KCNT1: variants seen among roughly 807,000 people sequenced by gnomAD.
KCNT1 encodes potassium channel subfamily T member 1.
In KCNT1, 78 loss-of-function variants were observed where a neutral mutation model predicts 147.8. The ratio of observed to expected loss-of-function variants is 0.53; its 90% CI spans 0.44 to 0.64. KCNT1 has a LOEUF of 0.64. KCNT1 is among the 30% of genes least tolerant of loss of function. The pLI is 0.00. For synonymous variants in KCNT1, 867 were observed against 748.8 expected (o/e 1.16, Z -2.58); for missense variants, 1,419 against 1,750.3 (o/e 0.81, Z 3.38).
At chr9:135,779,892 TCTC>T (rs1833483844) in intron 24 of KCNT1, among the ~76,000 whole-genome samples, 1 of 152,224 alleles carries the variant, frequency 6.6e-6, no homozygotes, top group Non-Finnish European at 1.5e-5. Flanking sequence ...ATTCCAGACT[TCTC>T]CGCTGCCCTG....
chr9:135,759,715 G>A lies in KCNT1; in HGVS notation c.891G>A (p.Glu297=), dbSNP rs2131450976. The stretch of plus-strand genomic sequence containing the variant: ...TCCAGCACCTGGAGCGGGCGGGCGA[G>A]AACCTGTCCCTCCTGACCTCCTTCT... ...CGIQHLERAG[E]NLSLLTSFYF... The change falls in exon 11 of 31, where the codon GAG becomes GAA. Residue 297 remains glutamate (E), a synonymous_variant. Transcript: ENST00000371757. 1 of 1,612,970 alleles carries A rather than the reference G, an allele frequency of 6.2e-7. No homozygotes were observed. The highest frequency in any genetic ancestry group is 8.5e-7 in the Non-Finnish European group (1 of 1,179,540).
chr9:135,771,177 T>TGGGATGGGAGACCAGGC (rs1832734422), intron 18 of KCNT1, 82 bp downstream of exon 18: 11 of 1,311,654 alleles, frequency 8.4e-6, no homozygotes, highest in African/African-American at 1.5e-5. Context: ...GGTGACCAGG[T>TGGGATGGGAGACCAGGC]GGGATGGGAG....
chr9:135,753,846 T>A (rs1002332241), intron 4 of KCNT1, 91 bp from the exon 5 acceptor site: 1 of 1,401,650 alleles, frequency 7.1e-7, no homozygotes, highest in Non-Finnish European at 1.0e-6. Context: ...GAGGCCCCCA[T>A]GAACCCGAGC....
intron 10 of KCNT1, among the ~76,000 whole-genome samples, chr9:135,759,322 G>A (rs139179829): frequency 5.1e-4 from 77 of 152,274 alleles, no homozygotes; most frequent in African/African-American, 1.4e-3. Context: ...CCAAGCCCAC[G>A]CTGATGACAC....
chr9:135,751,169 T>C, intron 4 of KCNT1, 128 bp downstream of exon 4: 1 of 817,828 alleles, frequency 1.2e-6, no homozygotes, highest in South Asian at 1.5e-5. Context: ...GAGTCCTTCC[T>C]TCCCCAGTGC....
intron 24 of KCNT1, among the ~76,000 whole-genome samples, chr9:135,782,718 G>T (rs998362484): frequency 6.6e-6 from 1 of 152,166 alleles, no homozygotes; most frequent in African/African-American, 2.4e-5. Flanking sequence ...GTTTAGCGTT[G>T]TTCTGAGTAA....
intron 2 of KCNT1, among the ~76,000 whole-genome samples, chr9:135,747,003 G>A (rs145884687): frequency 0.015 from 2,257 of 152,104 alleles, 31 homozygotes; most frequent in Middle Eastern, 0.037. Context: ...AGGGGGAGCC[G>A]GTGGATGCCA....
At chr9:135,784,484 T>TCCCAGCCCCCCCCC in intron 25 of KCNT1, 51 bp from the exon 26 acceptor site, 1 of 57,652 alleles carries the variant, frequency 1.7e-5, no homozygotes. Context: ...TCACTGTGGC[T>TCCCAGCCCCCCCCC]CCCTCCCTCC....
intron 29 of KCNT1, among the ~76,000 whole-genome samples, chr9:135,787,940 G>A (rs1218825764): frequency 6.6e-6 from 1 of 152,214 alleles, no homozygotes; most frequent in Non-Finnish European, 1.5e-5. Flanking sequence ...GCTTGGCAAG[G>A]AAGGAGCAAC....
intron 1 of KCNT1, among the ~76,000 whole-genome samples, chr9:135,713,117 C>T (rs754063438): frequency 2.0e-5 from 3 of 152,160 alleles, no homozygotes; most frequent in Admixed American, 6.5e-5. Context: ...GAGGCAGCCA[C>T]GCCTGAGGAG....
chr9:135,725,994 G>A (rs1307115897), intron 2 of KCNT1, among the ~76,000 whole-genome samples: 1 of 152,134 alleles, frequency 6.6e-6, no homozygotes, highest in African/African-American at 2.4e-5. Context: ...CCACCCAGGA[G>A]CCATGGCTGT....
At chr9:135,791,443 G>A (rs750697298) in intron 29 of KCNT1, 12 of 286,942 alleles carry the variant, frequency 4.2e-5, no homozygotes, top group Non-Finnish European at 7.4e-5. Flanking sequence ...GACACGTCCC[G>A]GTGTCTGCAG....
At chr9:135,706,074 C>G (rs1419890103) in intron 1 of KCNT1, among the ~76,000 whole-genome samples, 1 of 152,190 alleles carries the variant, frequency 6.6e-6, no homozygotes, top group African/African-American at 2.4e-5. Context: ...GTTGGTCCAT[C>G]CCAGCACTGA....
At chr9:135,746,032 G>A (rs556592023) in intron 2 of KCNT1, among the ~76,000 whole-genome samples, 15 of 152,360 alleles carry the variant, frequency 9.8e-5, no homozygotes, top group East Asian at 1.9e-4. Flanking sequence ...GTGCCGCTGC[G>A]TGACTCGTGA....
Position 135,792,195 on chromosome 9 carries a change from C to T in KCNT1, c.*34C>T, listed in dbSNP as rs1554782562. 8.2e-6 allele frequency: 13 copies of T among 1,592,588 alleles called. No homozygotes were observed. Among genetic ancestry groups the T allele is most frequent in the South Asian group, 7.8e-5 (7 of 89,920 alleles). On this transcript the variant is annotated 3_prime_UTR_variant, in exon 31 of 31. Transcript: ENST00000371757. Reference sequence around the variant, plus strand: ...TGCACGGAGCTCAGGCCACCAAGCCCGGGGTCCTCAGGAAGGACGTGGAGG... The same window carrying T: ...TGCACGGAGCTCAGGCCACCAAGCCTGGGGTCCTCAGGAAGGACGTGGAGG...
intron 2 of KCNT1, among the ~76,000 whole-genome samples, chr9:135,725,348 G>A (rs1481103547): frequency 4.6e-5 from 7 of 152,236 alleles, no homozygotes; most frequent in South Asian, 2.1e-4. Context: ...ATCTCAAGGT[G>A]AGGCCATTCT....
chr9:135,777,846 A>C (rs577543684), intron 21 of KCNT1, among the ~76,000 whole-genome samples: 4 of 120,756 alleles, frequency 3.3e-5, no homozygotes, highest in African/African-American at 6.6e-5. Flanking sequence ...GTTCCCAGCT[A>C]CTCTCCATTC....
chr9:135,736,750 C>T (rs1313241319), intron 2 of KCNT1: 2 of 378,452 alleles, frequency 5.3e-6, no homozygotes, highest in East Asian at 7.5e-5. Flanking sequence ...GCTGCCGGCC[C>T]GCGGCGGGGG....
chr9:135,750,452 G>C lies in KCNT1; in HGVS notation c.334+275G>C. On this transcript the variant is annotated intron_variant, in intron 3 of 30. Transcript: ENST00000371757. ...CACCGTCCTGCCTGCTGGACACCAG[G>C]CTGGGTGGGGCAGGACCATCCATAG... 23 of 532,386 alleles carry C rather than the reference G, an allele frequency of 4.3e-5. 1 individual carries two copies. The South Asian group carries it at 4.6e-4, about 11-fold the overall frequency. 33.0% of individuals were successfully genotyped at this position (532,386 alleles called of 1,614,324 possible).
Sources: allele counts gnomAD v4.1 joint callset (sites outside exome capture counted in the v4.1 genomes callset), GRCh38; gene constraint gnomAD v4.1.1; transcripts MANE v1.5; gene names NCBI Gene and HGNC (gene_info 2026-07-23, HGNC 2026-07-21).